The following PMS2 variants were observed in gnomAD, a reference collection of about 807,000 sequenced individuals.
PMS2 encodes the protein PMS1 homolog 2, mismatch repair system component, also known as mismatch repair endonuclease PMS2.
PMS2 carries 69 observed loss-of-function variants against 90.0 expected under a neutral mutation model. The ratio of observed to expected loss-of-function variants is 0.77; its 90% CI spans 0.63 to 0.94. The LOEUF is 0.94. Ranked by LOEUF, PMS2 falls within the 40% of genes least tolerant of loss-of-function variation. The probability of loss-of-function intolerance (pLI) is 0.00; values close to 1 mark genes in which losing one functional copy is unlikely to be tolerated. For synonymous variants in PMS2, 332 were observed against 375.1 expected, an observed-to-expected ratio of 0.89 and a Z score of 1.33; for missense variants, 966 against 1,040.2, an observed-to-expected ratio of 0.93 and a Z score of 0.98.
In PMS2 at chr7:6,002,552, T is replaced by G. The variant is rs1396558771; in HGVS notation, c.438A>C (p.Lys146Asn). 6.2e-7 allele frequency: 1 copy of G among 1,611,896 alleles called. No homozygotes were observed. Among genetic ancestry groups the G allele is most frequent in the Non-Finnish European group, 8.5e-7 (1 of 1,179,766 alleles). ...MFDHNGKIIQKTPYPRPRGTT... is the reference protein window; with the variant it reads ...MFDHNGKIIQNTPYPRPRGTT... ...TCCCTCTGGGGCGGGGGTAGGGGGTTTTCTGGATAATTTTCCCATTGTGAT... is the reference window on the plus strand; with the variant it reads ...TCCCTCTGGGGCGGGGGTAGGGGGTGTTCTGGATAATTTTCCCATTGTGAT... The change falls in exon 5 of 15, where the codon AAA (lysine) becomes AAC (asparagine). Residue 146 changes from lysine to asparagine, a missense_variant. Around this residue, in one of 2 missense-constraint regions of PMS2, gnomAD observed 871 missense variants for 802.4 expected, o/e 1.09. Transcript: ENST00000265849.
At chr7:5,986,326 T>A (rs1425879399) in intron 11 of PMS2, among the ~76,000 whole-genome samples, 1 of 151,870 alleles carries the variant, frequency 6.6e-6, no homozygotes. Flanking sequence ...CCTCCCTCCT[T>A]GGCTTGGCCT....
intron 6 of PMS2, among the ~76,000 whole-genome samples, chr7:5,998,377 G>C (rs1444696436): frequency 6.7e-6 from 1 of 149,584 alleles, no homozygotes; most frequent in Non-Finnish European, 1.5e-5. Flanking sequence ...ACTGCGCCGG[G>C]CCTTGTGATA....
At chr7:6,007,686 A>AT (rs1785978952) in intron 1 of PMS2, among the ~76,000 whole-genome samples, 1 of 152,106 alleles carries the variant, frequency 6.6e-6, no homozygotes, top group South Asian at 2.1e-4. Flanking sequence ...GCCTTTAATA[A>AT]ACCCTTCTGA....
At chr7:5,984,674 A>C (rs1188545637) in intron 11 of PMS2, among the ~76,000 whole-genome samples, 2 of 151,710 alleles carry the variant, frequency 1.3e-5, no homozygotes, top group African/African-American at 4.9e-5. Flanking sequence ...ACTCCCAGCT[A>C]CTTGGGAAAC....
intron 1 of PMS2, among the ~76,000 whole-genome samples, chr7:6,006,524 G>T (rs1234761882): frequency 1.3e-5 from 2 of 152,048 alleles, no homozygotes; most frequent in Non-Finnish European, 2.9e-5. Context: ...ATGGTGGTGG[G>T]CACCTGTAAT....
intron 11 of PMS2, among the ~76,000 whole-genome samples, chr7:5,986,500 C>T (rs1161622621): frequency 1.2e-3 from 180 of 144,602 alleles, no homozygotes; most frequent in Middle Eastern, 3.5e-3. Context: ...GAGACCAGCC[C>T]AGCCAACATG....
chr7:6,003,410 A>G (rs1176699748), intron 4 of PMS2: 3 of 319,394 alleles, frequency 9.4e-6, no homozygotes, highest in African/African-American at 2.2e-5. Context: ...ATGAAAACCA[A>G]TGGTAACTAT....
intron 7 of PMS2, among the ~76,000 whole-genome samples, chr7:5,996,590 A>AAAAATATAT (rs56858711): frequency 7.9e-4 from 87 of 110,144 alleles, no homozygotes; most frequent in East Asian, 1.7e-3. Flanking sequence ...AAAAAAAAAA[A>AAAAATATAT]ATATATATAT....
At chr7:5,996,590 A>AAAAAAT (rs56858711) in intron 7 of PMS2, among the ~76,000 whole-genome samples, 233 of 110,098 alleles carry the variant, frequency 2.1e-3, no homozygotes, top group African/African-American at 7.5e-3. Flanking sequence ...AAAAAAAAAA[A>AAAAAAT]ATATATATAT....
rs777728316 is a variant in PMS2 at position 5,977,703 on chromosome 7, G to C, written c.2330C>G (p.Thr777Ser). ...TTCATCGACGTCCTGGGGTCCGAAG[G>C]TCCAGTTTTTACTAGTTGGCAAGGA... ...LISLPTSKNW[T>S]FGPQDVDELI... Residue 777 changes from threonine (T) to serine (S), a missense_variant, in exon 14 of 15, where the codon ACC (threonine) becomes AGC (serine). By Grantham distance (58) the Thr-to-Ser change is moderately conservative (BLOSUM62 1). Coordinates refer to ENST00000265849, the MANE Select transcript of PMS2 (RefSeq NM_000535.7). 1 of 1,606,486 alleles carries C rather than the reference G, an allele frequency of 6.2e-7. No homozygotes were observed. The highest frequency in any genetic ancestry group is 2.2e-5 in the East Asian group (1 of 44,572).
At chr7:5,989,717 C>CA (rs1291948308) in intron 10 of PMS2, 83 bp downstream of exon 10, 163 of 1,058,802 alleles carry the variant, frequency 1.5e-4, no homozygotes, top group Non-Finnish European at 2.0e-4. Flanking sequence ...GTTTTCATGT[C>CA]AAAAAAAAGT....
chr7:5,973,064 A>T lies in PMS2; in HGVS notation c.*335T>A, dbSNP rs183503560. Among the ~76,000 whole-genome samples, 3,374 of 132,398 alleles carry T rather than the reference A, an allele frequency of 0.025. 276 individuals carry two copies. The highest frequency in any genetic ancestry group is 0.053 in the Middle Eastern group (14 of 266). The allele number at this position is 132,398 out of a possible 152,430, so 86.9% of individuals were successfully genotyped here. On this transcript the variant is annotated 3_prime_UTR_variant, in exon 15 of 15. Transcript: ENST00000265849. ...CTCCATGTTGGTCAGGCTGGTCTCG[A>T]ACTTCTGATCTCAGGTGATCCGCCG...
intron 11 of PMS2, among the ~76,000 whole-genome samples, chr7:5,986,016 C>T (rs1318674590): frequency 7.8e-6 from 1 of 128,410 alleles, no homozygotes; most frequent in Non-Finnish European, 1.7e-5. Context: ...ATCCCAGAAG[C>T]ATCCCAGATG....
rs544598132 is a variant in PMS2, at chr7:5,991,347, C to T, written c.988+626G>A. Reference sequence around the variant, plus strand: ...TATGTACATATGTGTTTCTAAGTATCTAGAAAAAATACTCAATTACAATAA... The same window carrying T: ...TATGTACATATGTGTTTCTAAGTATTTAGAAAAAATACTCAATTACAATAA... On this transcript the variant is annotated intron_variant, in intron 9 of 14. Transcript: ENST00000265849. Among the ~76,000 whole-genome samples the T allele has an allele frequency of 1.4e-3, 217 of 150,642 alleles. 1 individual carries two copies. The highest frequency in any genetic ancestry group is 3.4e-3 in the Middle Eastern group (1 of 290).
chr7:5,977,146 C>A (rs1220430276), intron 14 of PMS2, among the ~76,000 whole-genome samples: 1 of 151,370 alleles, frequency 6.6e-6, no homozygotes, highest in Non-Finnish European at 1.5e-5. Flanking sequence ...GTTCCGCCTT[C>A]TGGGTTCACG....
At chr7:5,999,985 T>C (rs1167345658) in intron 5 of PMS2, among the ~76,000 whole-genome samples, 6 of 150,980 alleles carry the variant, frequency 4.0e-5, no homozygotes, top group African/African-American at 1.2e-4. Flanking sequence ...CATTGAGGAG[T>C]TGATTAATTA....
chr7:6,003,856 A>G, intron 3 of PMS2, 64 bp from the exon 4 acceptor site: 2 of 1,265,708 alleles, frequency 1.6e-6, no homozygotes, highest in Non-Finnish European at 2.3e-6. Context: ...AATATACATG[A>G]TATCTAGTAA....
chr7:6,007,644 G>A (rs1288821185), intron 1 of PMS2, among the ~76,000 whole-genome samples: 2 of 152,130 alleles, frequency 1.3e-5, no homozygotes, highest in East Asian at 1.9e-4. Flanking sequence ...AGAAATCACT[G>A]GGTATTTCCT....
chr7:5,991,698 G>C (rs1453479974), intron 9 of PMS2, among the ~76,000 whole-genome samples: 1 of 151,922 alleles, frequency 6.6e-6, no homozygotes, highest in East Asian at 1.9e-4. Flanking sequence ...AATTAGCCAG[G>C]TGTGGTGGCA....
Sources: allele counts gnomAD v4.1 joint callset (sites outside exome capture counted in the v4.1 genomes callset), GRCh38; gene constraint gnomAD v4.1.1; regional missense constraint gnomAD v4.1.1; transcripts MANE v1.5; gene names NCBI Gene and HGNC (gene_info 2026-07-23, HGNC 2026-07-21).